The following PINX1 variants were observed in gnomAD, a reference collection of about 807,000 sequenced individuals.
The protein encoded by PINX1 is PIN2/TERF1-interacting telomerase inhibitor 1.
A neutral mutation model predicts 25.4 loss-of-function variants in PINX1; 34 were observed. The ratio of observed to expected loss-of-function variants is 1.34; its 90% CI spans 1.02 to 1.78. The LOEUF (loss-of-function observed/expected upper bound fraction) is 1.78, where lower values mean the gene tolerates loss of function less well. PINX1 is among the 40% of genes most tolerant of loss of function. PINX1 has a pLI of 0.00. For missense variants in PINX1, 592 were observed against 404.9 expected, an observed-to-expected ratio of 1.46 and a Z score of -3.97; for synonymous variants, 197 against 147.7, an observed-to-expected ratio of 1.33 and a Z score of -2.42.
intron 6 of PINX1, among the ~76,000 whole-genome samples, chr8:10,775,291 G>T (rs186320794): frequency 6.6e-6 from 1 of 152,152 alleles, no homozygotes; most frequent in East Asian, 1.9e-4. Context: ...GACCTGCCTC[G>T]CTGGCAACAA....
At chr8:10,774,331 G>C (rs1190249149) in intron 6 of PINX1, among the ~76,000 whole-genome samples, 1 of 151,760 alleles carries the variant, frequency 6.6e-6, no homozygotes, top group Admixed American at 6.6e-5. Flanking sequence ...GCCCAGGCTG[G>C]AATGCAATGG....
intron 6 of PINX1, among the ~76,000 whole-genome samples, chr8:10,788,372 T>G (rs767448427): frequency 6.6e-6 from 1 of 152,100 alleles, no homozygotes; most frequent in South Asian, 2.1e-4. Context: ...GACCAGCAGT[T>G]GAAGACATGG....
Position 10,820,261 on chromosome 8 carries a change from G to A in PINX1, c.403C>T (p.Leu135=). 1.9e-6 allele frequency: 3 copies of A among 1,609,786 alleles called. No homozygotes were observed. Among genetic ancestry groups the A allele is most frequent in the Non-Finnish European group, 2.6e-6 (3 of 1,176,350 alleles). Residue 135 remains leucine (L), a synonymous_variant, in exon 6 of 7, where the codon CTG becomes TTG. Transcript: ENST00000314787. ...HYMKFTKGKD[L]SSRSKTDLDC... Reference sequence around the variant, plus strand: ...AGATCTGTTTTGCTCCGAGATGACAGATCCTTCCCTAGAAAAACAATGTGA... The same window carrying A: ...AGATCTGTTTTGCTCCGAGATGACAAATCCTTCCCTAGAAAAACAATGTGA...
chr8:10,789,974 C>T (rs1464051073), intron 6 of PINX1, among the ~76,000 whole-genome samples: 1 of 152,140 alleles, frequency 6.6e-6, no homozygotes, highest in Non-Finnish European at 1.5e-5. Flanking sequence ...CCCTACAAGC[C>T]TAGGGCAGAG....
At chr8:10,822,325 T>C (rs1277311816) in intron 5 of PINX1, among the ~76,000 whole-genome samples, 2 of 152,220 alleles carry the variant, frequency 1.3e-5, no homozygotes, top group Non-Finnish European at 2.9e-5. Context: ...AAAAAGCTTA[T>C]TTGTTTGAGT....
At chr8:10,767,577 AT>A (rs1801094326) in intron 6 of PINX1, among the ~76,000 whole-genome samples, 1 of 152,176 alleles carries the variant, frequency 6.6e-6, no homozygotes, top group Non-Finnish European at 1.5e-5. Context: ...GCCTCAGGAG[AT>A]TTGTCTTTTT....
At chr8:10,780,126 G>C (rs1379377004) in intron 6 of PINX1, among the ~76,000 whole-genome samples, 5 of 152,148 alleles carry the variant, frequency 3.3e-5, no homozygotes, top group Non-Finnish European at 7.4e-5. Context: ...GGTAGTCTTT[G>C]GGGTTTTCTA....
At chr8:10,830,272 T>C (rs1475392645) in intron 4 of PINX1, among the ~76,000 whole-genome samples, 7 of 152,164 alleles carry the variant, frequency 4.6e-5, no homozygotes, top group Admixed American at 4.6e-4. Context: ...AAAAGTCCAA[T>C]CTGGTTAGAA....
rs1220078211 is a variant in PINX1, at chr8:10,817,556, CTGTT to C, written c.471+2633_471+2636del. The stretch of plus-strand genomic sequence containing the variant: ...TCATTTTGCTTTATAGAAAGATACT[CTGTT>C]TGTCTTAAATGTGATTACATTTAAA... On this transcript the variant is annotated intron_variant, in intron 6 of 6. Transcript: ENST00000314787. Among the ~76,000 whole-genome samples the C allele has an allele frequency of 4.6e-5, 7 of 152,160 alleles. No homozygotes were observed. The East Asian group carries it at 1.3e-3, about 29-fold the overall frequency.
At chr8:10,819,586 T>A (rs917359310) in intron 6 of PINX1, among the ~76,000 whole-genome samples, 8 of 152,240 alleles carry the variant, frequency 5.3e-5, no homozygotes, top group Middle Eastern at 3.2e-3. Context: ...TGCAATATTA[T>A]ACAGCCCAAT....
Position 10,766,232 on chromosome 8 carries a change from T to G in PINX1, c.472-316A>C, listed in dbSNP as rs78254823. On this transcript the variant is annotated intron_variant, in intron 6 of 6. Coordinates refer to ENST00000314787, the MANE Select transcript of PINX1 (RefSeq NM_017884.6). ...CAAGCCGCCTCGATGGAATTCTGAG[T>G]AAATGTCTCCCTAGAAACAAGTGTT... 5.0e-3 allele frequency among the ~76,000 whole-genome samples: 765 copies of G among 152,290 alleles called. 18 individuals carry two copies. In the East Asian group the frequency reaches 0.061, roughly 12 times the overall value.
At chr8:10,779,375 T>C (rs1801513226) in intron 6 of PINX1, among the ~76,000 whole-genome samples, 1 of 152,152 alleles carries the variant, frequency 6.6e-6, no homozygotes, top group South Asian at 2.1e-4. Context: ...AAAAAGCAAT[T>C]TCTAAAAGTG....
intron 6 of PINX1, among the ~76,000 whole-genome samples, chr8:10,806,683 A>T (rs770082665): frequency 6.6e-6 from 1 of 152,096 alleles, no homozygotes; most frequent in Non-Finnish European, 1.5e-5. Flanking sequence ...TTTCCTCTAC[A>T]AGAGAAACAT....
chr8:10,819,749 C>G (rs1035175223), intron 6 of PINX1, among the ~76,000 whole-genome samples: 2 of 152,216 alleles, frequency 1.3e-5, no homozygotes, highest in African/African-American at 4.8e-5. Context: ...AGCGCTGTCT[C>G]AAATGCTGTT....
intron 6 of PINX1, among the ~76,000 whole-genome samples, chr8:10,816,355 C>G (rs747818034): frequency 1.3e-5 from 2 of 152,142 alleles, no homozygotes; most frequent in Non-Finnish European, 2.9e-5. Context: ...AAGAAAAAAC[C>G]CTCATGACTA....
rs568579713 is a variant in PINX1 at position 10,777,346 on chromosome 8, C to T, written c.472-11430G>A. Among the ~76,000 whole-genome samples, 7 of 152,346 alleles carry T rather than the reference C, an allele frequency of 4.6e-5. No homozygotes were observed. In the Middle Eastern group the frequency reaches 0.017, roughly 370 times the overall value. On this transcript the variant is annotated intron_variant, in intron 6 of 6. Transcript: ENST00000314787. Reference sequence around the variant, plus strand: ...TCTAGAAAGCAGAGGCAGGCCCAAGCCCCGTTTGAAGTCCTTGCTGCCGGG... The same window carrying T: ...TCTAGAAAGCAGAGGCAGGCCCAAGTCCCGTTTGAAGTCCTTGCTGCCGGG...
chr8:10,800,351 T>C (rs997849039), intron 6 of PINX1, among the ~76,000 whole-genome samples: 1 of 152,246 alleles, frequency 6.6e-6, no homozygotes, highest in African/African-American at 2.4e-5. Context: ...ATGTCAATGA[T>C]AATTATTTTG....
At chr8:10,820,764 A>C (rs1186867505) in intron 5 of PINX1, among the ~76,000 whole-genome samples, 1 of 152,232 alleles carries the variant, frequency 6.6e-6, no homozygotes, top group Non-Finnish European at 1.5e-5. Context: ...ACAGGATCTT[A>C]ATAATTAACT....
chr8:10,774,252 T>C (rs1801317988), intron 6 of PINX1, among the ~76,000 whole-genome samples: 1 of 152,060 alleles, frequency 6.6e-6, no homozygotes, highest in African/African-American at 2.4e-5. Flanking sequence ...CTATTAAATG[T>C]AAAATCTTCT....
Sources: gnomAD v4.1 joint callset for allele counts (sites outside exome capture counted in the v4.1 genomes callset) on GRCh38, gnomAD v4.1.1 for gene constraint, MANE v1.5 for transcripts, NCBI Gene and HGNC (gene_info 2026-07-23, HGNC 2026-07-21) for gene names.